The following CARMIL1 variants were observed in gnomAD, a reference collection of about 807,000 sequenced individuals.
CARMIL1 encodes F-actin-uncapping protein LRRC16A.
In CARMIL1, 90 loss-of-function variants were observed where a neutral mutation model predicts 177.1. That is an observed-to-expected ratio of 0.51 (90% CI 0.43 to 0.61). CARMIL1 has a LOEUF of 0.61. Among genes scored for constraint, CARMIL1 ranks in the 20% least tolerant of loss-of-function variants. The pLI is 0.00. For missense variants in CARMIL1, 1,380 were observed against 1,667.0 expected (o/e 0.83, Z 3.00); for synonymous variants, 577 against 606.2 (o/e 0.95, Z 0.71).
intron 23 of CARMIL1, chr6:25,527,542 G>T (rs1224872845): frequency 1.5e-5 from 5 of 324,590 alleles, no homozygotes; most frequent in Admixed American, 9.4e-5. Context: ...TATATTTCAA[G>T]CAAGAATCTT....
chr6:25,577,238 T>C lies in CARMIL1; in HGVS notation c.2743-3686T>C. 2.3e-6 allele frequency: 1 copy of C among 436,006 alleles called. No homozygotes were observed. The highest frequency in any genetic ancestry group is 3.0e-6 in the Non-Finnish European group (1 of 327,980). 27.0% of individuals were successfully genotyped at this position (436,006 alleles called of 1,614,324 possible). On this transcript the variant is annotated intron_variant, in intron 29 of 36. Transcript: ENST00000329474. This position sits in a 1 kb window ranked among gnomAD's most constrained non-coding sequence, Gnocchi z 4.5. ...ATGTGCCTGAAAGCAAGCAGAGTGTTGATGAAGAGGATACAAACATTCAAG... is the reference window on the plus strand; with the variant it reads ...ATGTGCCTGAAAGCAAGCAGAGTGTCGATGAAGAGGATACAAACATTCAAG...
At chr6:25,608,564 A>G (rs952384437) in intron 35 of CARMIL1, among the ~76,000 whole-genome samples, 1 of 152,210 alleles carries the variant, frequency 6.6e-6, no homozygotes, top group Non-Finnish European at 1.5e-5. Context: ...TATTTTGTTT[A>G]TTTACTAAAT....
chr6:25,596,205 C>T (rs1814834894), intron 32 of CARMIL1, among the ~76,000 whole-genome samples: 1 of 135,274 alleles, frequency 7.4e-6, no homozygotes, highest in South Asian at 2.5e-4. Context: ...AGATACTGCT[C>T]AAGGAAGATT....
rs373817112 is a variant in CARMIL1, at chr6:25,420,210, A to T, written c.189+46A>T. ...TCCTTCTGCACTCACACTCACTCAT[A>T]CCCACTCATGCATAGTCACTCATGC... On this transcript the variant is annotated intron_variant, in intron 3 of 36. Transcript: ENST00000329474. 3.8e-6 allele frequency: 6 copies of T among 1,567,742 alleles called. No individual in the cohort carries two copies. In the African/African-American group the frequency reaches 8.1e-5, roughly 21 times the overall value.
At chr6:25,333,893 A>C (rs942709410) in intron 2 of CARMIL1, among the ~76,000 whole-genome samples, 1 of 152,220 alleles carries the variant, frequency 6.6e-6, no homozygotes, top group African/African-American at 2.4e-5. Flanking sequence ...TGTTAGTACC[A>C]GATATTATCT....
intron 2 of CARMIL1, among the ~76,000 whole-genome samples, chr6:25,413,590 G>A (rs1290080231): frequency 1.3e-5 from 2 of 152,198 alleles, no homozygotes; most frequent in Non-Finnish European, 2.9e-5. Context: ...GTGAAATTAT[G>A]AAGTTAAAAG....
chr6:25,409,653 T>C (rs939645223), intron 2 of CARMIL1, among the ~76,000 whole-genome samples: 1 of 152,190 alleles, frequency 6.6e-6, no homozygotes. Flanking sequence ...ATGCTAGTAT[T>C]TATCAAACTT....
At chr6:25,569,176 T>A (rs147807906) in intron 29 of CARMIL1, among the ~76,000 whole-genome samples, 5 of 152,368 alleles carry the variant, frequency 3.3e-5, no homozygotes, top group South Asian at 4.1e-4. Flanking sequence ...ACTATCAAAA[T>A]AATTGATCTG....
chr6:25,448,510 T>G (rs143407113), intron 5 of CARMIL1, among the ~76,000 whole-genome samples: 1 of 152,194 alleles, frequency 6.6e-6, no homozygotes, highest in Non-Finnish European at 1.5e-5. Flanking sequence ...TTGTCTCTTT[T>G]TGCCCTCCTG....
chr6:25,398,755 T>C (rs1163088134), intron 2 of CARMIL1, among the ~76,000 whole-genome samples: 1 of 152,154 alleles, frequency 6.6e-6, no homozygotes, highest in African/African-American at 2.4e-5. Flanking sequence ...GAGTAAATAA[T>C]GTAACCAAGG....
chr6:25,581,049 C>A, intron 30 of CARMIL1, 59 bp downstream of exon 30: 2 of 1,513,520 alleles, frequency 1.3e-6, no homozygotes, highest in Non-Finnish European at 1.8e-6. Context: ...CTCAGCAAGA[C>A]CTTAGACCAT....
chr6:25,336,707 A>G (rs1167219345), intron 2 of CARMIL1, among the ~76,000 whole-genome samples: 1 of 152,210 alleles, frequency 6.6e-6, no homozygotes, highest in Non-Finnish European at 1.5e-5. Flanking sequence ...CCCCTTTTAT[A>G]GTACATAGGA....
intron 5 of CARMIL1, among the ~76,000 whole-genome samples, chr6:25,444,321 T>C (rs183259134): frequency 4.4e-4 from 64 of 147,002 alleles, no homozygotes; most frequent in African/African-American, 1.5e-3. Flanking sequence ...CAAGGGACAT[T>C]AAAAAAAAAA....
chr6:25,600,559 G>C lies in CARMIL1; in HGVS notation c.3365G>C (p.Arg1122Pro). The C allele has an allele frequency of 1.2e-6, 2 of 1,614,006 alleles. No individual in the cohort carries two copies. The highest frequency in any genetic ancestry group is 1.7e-6 in the Non-Finnish European group (2 of 1,179,884). Residue 1122 changes from arginine (R) to proline (P), a missense_variant, in exon 33 of 37, where the codon CGG becomes CCG. Transcript: ENST00000329474. ...KAAEHNGNSE[R>P]IEEIKTPDSF... ...GCCGAGCACAATGGCAATTCTGAAC[G>C]GATAGAGGAGATAAAAACACCTGAC...
intron 2 of CARMIL1, among the ~76,000 whole-genome samples, chr6:25,371,957 T>C (rs996161201): frequency 6.6e-6 from 1 of 152,132 alleles, no homozygotes; most frequent in African/African-American, 2.4e-5. Flanking sequence ...CCAGTTTCAT[T>C]CTTATACATG....
intron 11 of CARMIL1, among the ~76,000 whole-genome samples, chr6:25,479,571 T>C (rs396050): frequency 0.79 from 120,368 of 152,104 alleles, 47,922 homozygotes; most frequent in South Asian, 0.89. Context: ...ACCAGTCTTG[T>C]TGGAGTTTAT....
intron 2 of CARMIL1, among the ~76,000 whole-genome samples, chr6:25,311,268 A>G (rs1783797749): frequency 6.6e-6 from 1 of 152,214 alleles, no homozygotes; most frequent in Admixed American, 6.5e-5. Context: ...AAAATGAAAT[A>G]AAATAAATAA....
chr6:25,539,494 A>G (rs1171512166), intron 25 of CARMIL1, among the ~76,000 whole-genome samples: 2 of 151,876 alleles, frequency 1.3e-5, no homozygotes, highest in East Asian at 1.9e-4. Flanking sequence ...GCATGGTGGT[A>G]TGTGCCTGTA....
At chr6:25,532,929 T>G (rs1325147389) in intron 24 of CARMIL1, among the ~76,000 whole-genome samples, 1 of 152,058 alleles carries the variant, frequency 6.6e-6, no homozygotes, top group African/African-American at 2.4e-5. Context: ...AATGAATGAG[T>G]GTTATTACAA....
Sources: gnomAD v4.1 joint callset for allele counts (sites outside exome capture counted in the v4.1 genomes callset) on GRCh38, gnomAD v4.1.1 for gene constraint, Gnocchi (gnomAD v3.1) non-coding constraint, MANE v1.5 for transcripts, NCBI Gene and HGNC (gene_info 2026-07-23, HGNC 2026-07-21) for gene names.